The following CSMD2 variants were observed in gnomAD, a reference collection of about 807,000 sequenced individuals.
CSMD2 encodes the protein CUB and Sushi multiple domains 2, also known as CUB and sushi domain-containing protein 2.
A neutral mutation model predicts 398.5 loss-of-function variants in CSMD2; 130 were observed. The observed-to-expected ratio is 0.33, with a 90% CI of 0.28 to 0.38. CSMD2 has a LOEUF of 0.38. Ranked by LOEUF, CSMD2 falls within the 10% of genes least tolerant of loss-of-function variation. The pLI is 1.00. For synonymous variants in CSMD2, 1,828 were observed against 1,908.5 expected (o/e 0.96, Z 1.10); for missense variants, 3,829 against 4,764.9 (o/e 0.80, Z 5.78).
chr1:33,673,458 A>G (rs1644587984), intron 25 of CSMD2, among the ~76,000 whole-genome samples: 2 of 152,252 alleles, frequency 1.3e-5, no homozygotes. Context: ...ATATGGGACT[A>G]TGTGAAAAGA....
At chr1:33,850,055 C>G (rs1638589976) in intron 5 of CSMD2, among the ~76,000 whole-genome samples, 1 of 152,142 alleles carries the variant, frequency 6.6e-6, no homozygotes, top group African/African-American at 2.4e-5. Flanking sequence ...CAGGCCTGCT[C>G]CTGCCTCAGG....
chr1:34,089,289 C>A (rs1658281533), intron 1 of CSMD2, 96 bp from the exon 2 acceptor site: 8 of 1,205,916 alleles, frequency 6.6e-6, no homozygotes, highest in African/African-American at 1.5e-5. Flanking sequence ...CATGAACCCA[C>A]TTTTCCAAGT....
chr1:33,557,666 AG>A, intron 55 of CSMD2, 67 bp downstream of exon 55: 2 of 1,326,450 alleles, frequency 1.5e-6, no homozygotes, highest in Non-Finnish European at 2.1e-6. Flanking sequence ...ACACATGCAC[AG>A]AGGGGAGGAC....
chr1:34,095,559 A>G (rs1463641924), intron 1 of CSMD2, among the ~76,000 whole-genome samples: 1 of 152,082 alleles, frequency 6.6e-6, no homozygotes, highest in East Asian at 1.9e-4. Flanking sequence ...TAGACGCAAT[A>G]AAAAATGATA....
At chr1:33,652,033 AAAGGCC>A (rs1643783789) in intron 28 of CSMD2, among the ~76,000 whole-genome samples, 1 of 152,144 alleles carries the variant, frequency 6.6e-6, no homozygotes, top group Non-Finnish European at 1.5e-5. Context: ...GGCATCCAAC[AAAGGCC>A]TCCTTTCCAG....
At chr1:33,778,710 C>G (rs1203280116) in intron 12 of CSMD2, among the ~76,000 whole-genome samples, 2 of 152,208 alleles carry the variant, frequency 1.3e-5, no homozygotes, top group Non-Finnish European at 2.9e-5. Context: ...CTGGAGAACT[C>G]AGGGTCAGGT....
chr1:33,592,630 C>A, intron 44 of CSMD2: 1 of 656,860 alleles, frequency 1.5e-6, no homozygotes, highest in South Asian at 1.7e-5. Context: ...TTTCTGCAAC[C>A]TTCCTAATTG....
Position 33,729,192 on chromosome 1 carries a change from C to A in CSMD2, c.2369-2507G>T, listed in dbSNP as rs1239886389. Among the ~76,000 whole-genome samples the A allele has an allele frequency of 3.9e-5, 6 of 152,316 alleles. No individual in the cohort carries two copies. In the East Asian group the frequency reaches 9.7e-4, roughly 25 times the overall value. ...ATGCAGTCTCCATTGCCTGTCTAGG[C>A]CACTCTCCACTCAGTGCATACATAT... On this transcript the variant is annotated intron_variant, in intron 15 of 70. Transcript: ENST00000373381.
At chr1:33,667,893 T>C (rs959551336) in intron 25 of CSMD2, among the ~76,000 whole-genome samples, 1 of 152,146 alleles carries the variant, frequency 6.6e-6, no homozygotes, top group African/African-American at 2.4e-5. Context: ...ACAGTGAAGA[T>C]GACAGACAGG....
intron 1 of CSMD2, among the ~76,000 whole-genome samples, chr1:34,144,702 C>A (rs896791588): frequency 6.6e-6 from 1 of 152,154 alleles, no homozygotes; most frequent in Non-Finnish European, 1.5e-5. Flanking sequence ...GTTTTTTAGG[C>A]AGTTCATTCC....
chr1:33,844,196 A>T (rs1178039945), intron 6 of CSMD2, among the ~76,000 whole-genome samples: 1 of 152,196 alleles, frequency 6.6e-6, no homozygotes, highest in African/African-American at 2.4e-5. Flanking sequence ...TTATTCCTTC[A>T]GAGTAGTAGT....
intron 3 of CSMD2, among the ~76,000 whole-genome samples, chr1:34,008,063 T>C (rs1647114962): frequency 6.6e-6 from 1 of 152,134 alleles, no homozygotes; most frequent in Non-Finnish European, 1.5e-5. Flanking sequence ...CTTTATGGAG[T>C]GCGCAAAACC....
rs755916783 is a variant in CSMD2 at position 33,577,420 on chromosome 1, C to T, written c.7452G>A (p.Gln2484=). The change falls in exon 49 of 71, where the codon CAG becomes CAA. Residue 2484 remains glutamine, a synonymous_variant. Coordinates refer to ENST00000373381, the MANE Select transcript of CSMD2 (RefSeq NM_001281956.2). The part of the protein sequence containing the change: ...HGFILGQTST[Q]PGGSIHFGCN... ...AGCCAAAGTGGATGGAGCCCCCGGG[C>T]TGGGTGCTGGTCTGGCCTAGGATGA... 1 of 1,614,118 alleles carries T rather than the reference C, an allele frequency of 6.2e-7. No individual in the cohort carries two copies. The highest frequency in any genetic ancestry group is 2.2e-5 in the East Asian group (1 of 44,876).
rs570257518 is a variant in CSMD2, at chr1:33,825,682, C to T, written c.1111+15G>A. On this transcript the variant is annotated intron_variant, in intron 7 of 70. Transcript: ENST00000373381. The stretch of plus-strand genomic sequence containing the variant: ...GCAAGAGGCCCGGCAGGCGGGCTGG[C>T]GGGCGGACACTTACACACAGACGTC... 5 of 1,584,794 alleles carry T rather than the reference C, an allele frequency of 3.2e-6. No homozygotes were observed. Among genetic ancestry groups the T allele is most frequent in the South Asian group, 2.3e-5 (2 of 87,466 alleles).
intron 1 of CSMD2, among the ~76,000 whole-genome samples, chr1:34,156,350 C>T (rs1640804549): frequency 6.6e-6 from 1 of 152,006 alleles, no homozygotes; most frequent in Non-Finnish European, 1.5e-5. Flanking sequence ...AGACAAACCT[C>T]CCGAGGCCTG....
rs1400003903 is a variant in CSMD2 at position 33,918,246 on chromosome 1, G to T, written c.768C>A (p.Pro256=). 1 of 1,614,152 alleles carries T rather than the reference G, an allele frequency of 6.2e-7. No individual in the cohort carries two copies. Among genetic ancestry groups the T allele is most frequent in the Non-Finnish European group, 8.5e-7 (1 of 1,180,040 alleles). The part of the protein sequence containing the change: ...LRGQSGIISS[P]HFPSEYHNNA... The stretch of plus-strand genomic sequence containing the variant: ...TGTTATGGTACTCCGAGGGGAAGTG[G>T]GGGCTGGAGATGATGCCACTCTGGC... Residue 256 remains proline, a synonymous_variant, in exon 5 of 71, where the codon CCC becomes CCA. Transcript: ENST00000373381.
chr1:33,741,902 T>C (rs942997949), intron 14 of CSMD2, among the ~76,000 whole-genome samples: 3 of 152,230 alleles, frequency 2.0e-5, no homozygotes, highest in African/African-American at 7.2e-5. Flanking sequence ...ATCCTTGTTC[T>C]TCCTACTCCG....
At chr1:33,876,969 G>A (rs1336728030) in intron 5 of CSMD2, among the ~76,000 whole-genome samples, 1 of 152,186 alleles carries the variant, frequency 6.6e-6, no homozygotes, top group African/African-American at 2.4e-5. Context: ...ATAAAACATA[G>A]TATTGCCTTA....
chr1:33,765,398 G>A (rs1650364421), intron 13 of CSMD2, among the ~76,000 whole-genome samples: 1 of 152,168 alleles, frequency 6.6e-6, no homozygotes, highest in South Asian at 2.1e-4. Flanking sequence ...ACAAAGTGGT[G>A]ACTCAAGAAA....
Sources: allele counts gnomAD v4.1 joint callset (sites outside exome capture counted in the v4.1 genomes callset), GRCh38; gene constraint gnomAD v4.1.1; transcripts MANE v1.5; gene names NCBI Gene and HGNC (gene_info 2026-07-23, HGNC 2026-07-21).